Variants in DAB1 observed in about 807,000 individuals in gnomAD.
The protein encoded by DAB1 is DAB adaptor protein 1.
Under a neutral mutation model 64.6 loss-of-function variants are expected in DAB1, and 15 were observed. The ratio of observed to expected loss-of-function variants is 0.23; its 90% CI spans 0.16 to 0.36. The LOEUF (loss-of-function observed/expected upper bound fraction) is 0.36. DAB1 is among the 10% of genes least tolerant of loss of function. DAB1 has a pLI of 1.00. For synonymous variants in DAB1, 235 were observed against 251.9 expected, an observed-to-expected ratio of 0.93 and a Z score of 0.64; for missense variants, 596 against 706.7, an observed-to-expected ratio of 0.84 and a Z score of 1.78.
chr1:57,026,541 T>C (rs1646795268), intron 9 of DAB1, among the ~76,000 whole-genome samples: 1 of 152,086 alleles, frequency 6.6e-6, no homozygotes, highest in Non-Finnish European at 1.5e-5. Context: ...TACAAATAAA[T>C]AAACTAAGTC....
At chr1:58,301,224 G>A (rs1290358482) in intron 4 of DAB1, among the ~76,000 whole-genome samples, 2 of 119,688 alleles carry the variant, frequency 1.7e-5, no homozygotes, top group Non-Finnish European at 3.9e-5. Context: ...GCAGATATGT[G>A]GGGGTGGAGA....
At chr1:58,362,322 T>G (rs1270219167) in intron 3 of DAB1, among the ~76,000 whole-genome samples, 1 of 152,178 alleles carries the variant, frequency 6.6e-6, no homozygotes, top group Non-Finnish European at 1.5e-5. Context: ...CCAAGGTTGG[T>G]CCCTCCTAGT....
In DAB1 at chr1:58,363,714, A is replaced by G. The variant is rs78905896; in HGVS notation, n.258-20311T>C. Among the ~76,000 whole-genome samples, 995 of 152,320 alleles carry G rather than the reference A, an allele frequency of 6.5e-3. 14 individuals are homozygous for G. The highest frequency in any genetic ancestry group is 0.023 in the African/African-American group (964 of 41,578). ...GTGGAAAGTTTCATCTTCCAGGGGA[A>G]AGGCTGCCAGACAGCTGGAAAGAAA... On this transcript the variant is annotated intron_variant and non_coding_transcript_variant, in intron 3 of 20. Transcript: ENST00000485760.
Position 58,333,130 on chromosome 1 carries a change from G to A in DAB1, n.309+10222C>T, listed in dbSNP as rs184102849. 4.4e-3 allele frequency among the ~76,000 whole-genome samples: 675 copies of A among 152,142 alleles called. 4 individuals are homozygous for A. Among genetic ancestry groups the A allele is most frequent in the Non-Finnish European group, 4.8e-3 (329 of 68,014 alleles). On this transcript the variant is annotated intron_variant and non_coding_transcript_variant, in intron 4 of 20. Transcript: ENST00000485760. ...TCACCATATTGGCTAGGCTGGTCTC[G>A]AACTCCAGACCTGTTTATTTTTTTC...
At chr1:57,349,865 GCCT>G (rs1465086859) in intron 1 of DAB1, among the ~76,000 whole-genome samples, 1 of 152,144 alleles carries the variant, frequency 6.6e-6, no homozygotes, top group African/African-American at 2.4e-5. Flanking sequence ...ACTGATTGTA[GCCT>G]CCTCTTTACC....
chr1:57,375,677 T>C (rs1264798726), intron 1 of DAB1, among the ~76,000 whole-genome samples: 1 of 152,142 alleles, frequency 6.6e-6, no homozygotes, highest in East Asian at 1.9e-4. Flanking sequence ...CACTGGAGCC[T>C]AGGTAACGCT....
Position 58,521,328 on chromosome 1 carries a change from GA to G in DAB1, n.107+5932del, listed in dbSNP as rs35389880. The stretch of plus-strand genomic sequence containing the variant: ...TGTACGGCCTTAAATGTATGTACTA[GA>G]AAAAAAAAAGAGTTTAAAATAAATG... On this transcript the variant is annotated intron_variant and non_coding_transcript_variant, in intron 2 of 20. Coordinates refer to the DAB1 transcript ENST00000485760. 2.1e-3 allele frequency among the ~76,000 whole-genome samples: 302 copies of G among 146,240 alleles called. 7 individuals carry two copies. In the South Asian group the frequency reaches 0.054, roughly 26 times the overall value.
intron 2 of DAB1, among the ~76,000 whole-genome samples, chr1:58,508,205 A>C (rs1646019940): frequency 6.6e-6 from 1 of 152,218 alleles, no homozygotes; most frequent in Admixed American, 6.5e-5. Flanking sequence ...TGTTAAGATA[A>C]GAGTGTTGAG....
At position 57,820,655 on chromosome 1, in the gene DAB1, T is replaced by C. The variant is rs1385595655; in HGVS notation, n.551+63344A>G. 3.3e-5 allele frequency among the ~76,000 whole-genome samples: 5 copies of C among 152,314 alleles called. 1 individual carries two copies. The highest frequency in any genetic ancestry group is 3.3e-4 in the Admixed American group (5 of 15,298). On this transcript the variant is annotated intron_variant and non_coding_transcript_variant, in intron 6 of 20. Transcript: ENST00000485760. ...CCAAAAGGATGGCTAACATTTTTGT[T>C]GCTATAGAAACTAGTCCTGATGTTA...
chr1:57,991,501 G>GT (rs1288430310), intron 5 of DAB1, among the ~76,000 whole-genome samples: 1 of 152,068 alleles, frequency 6.6e-6, no homozygotes, highest in Non-Finnish European at 1.5e-5. Context: ...GAGCAGTACT[G>GT]TGACTGCCGA....
intron 5 of DAB1, among the ~76,000 whole-genome samples, chr1:58,006,952 T>A (rs17116696): frequency 0.021 from 3,265 of 152,330 alleles, 45 homozygotes; most frequent in South Asian, 0.046. Flanking sequence ...ACACTCATTC[T>A]GAGATGCACC....
chr1:58,516,304 T>C (rs1038119896), intron 2 of DAB1, among the ~76,000 whole-genome samples: 4 of 152,228 alleles, frequency 2.6e-5, no homozygotes, highest in Admixed American at 6.5e-5. Context: ...TTAAAACTGA[T>C]AGTTTAGTTG....
intron 7 of DAB1, among the ~76,000 whole-genome samples, chr1:57,435,852 T>A (rs1184569625): frequency 6.6e-6 from 1 of 152,072 alleles, no homozygotes; most frequent in Non-Finnish European, 1.5e-5. Context: ...ACATAGTCAT[T>A]TATTATAAGC....
At chr1:58,519,585 A>G (rs549642210) in intron 2 of DAB1, among the ~76,000 whole-genome samples, 57 of 152,296 alleles carry the variant, frequency 3.7e-4, no homozygotes, top group South Asian at 2.1e-3. Context: ...TGGAAAAAAA[A>G]AATATATCAT....
intron 3 of DAB1, among the ~76,000 whole-genome samples, chr1:57,141,268 T>C (rs997077087): frequency 3.3e-5 from 5 of 152,182 alleles, no homozygotes; most frequent in African/African-American, 1.2e-4. Flanking sequence ...TAGAACTGCA[T>C]TCTCTGATCT....
At chr1:58,276,175 G>A (rs746519555) in intron 4 of DAB1, among the ~76,000 whole-genome samples, 1 of 152,140 alleles carries the variant, frequency 6.6e-6, no homozygotes, top group Non-Finnish European at 1.5e-5. Context: ...GGAGTGGAGA[G>A]TTGTTTACTT....
chr1:57,505,739 C>T (rs755944017), intron 7 of DAB1, among the ~76,000 whole-genome samples: 10 of 152,136 alleles, frequency 6.6e-5, no homozygotes, highest in African/African-American at 9.7e-5. Context: ...GGCTCAATCA[C>T]GGCTCACTGC....
intron 4 of DAB1, among the ~76,000 whole-genome samples, chr1:57,129,218 C>T (rs949611502): frequency 1.3e-5 from 2 of 152,118 alleles, no homozygotes; most frequent in South Asian, 4.1e-4. Context: ...TGTAACATCC[C>T]TTTTCCCCTG....
chr1:58,346,185 T>TG (rs1557736452), intron 3 of DAB1, among the ~76,000 whole-genome samples: 103 of 152,318 alleles, frequency 6.8e-4, no homozygotes, highest in African/African-American at 2.4e-3. Flanking sequence ...CTGCTGCAGA[T>TG]GAATGGGCAG....
Sources: allele counts gnomAD v4.1 joint callset (sites outside exome capture counted in the v4.1 genomes callset), GRCh38; gene constraint gnomAD v4.1.1; transcripts MANE v1.5; gene names NCBI Gene and HGNC (gene_info 2026-07-23, HGNC 2026-07-21).